CNTNAP5: variants seen among roughly 807,000 people sequenced by gnomAD.
CNTNAP5 encodes the protein contactin associated protein family member 5.
A neutral mutation model predicts 150.2 loss-of-function variants in CNTNAP5; 72 were observed. The observed-to-expected ratio is 0.48, with a 90% CI of 0.40 to 0.58. The LOEUF (loss-of-function observed/expected upper bound fraction) is 0.58. CNTNAP5 is among the 20% of genes least tolerant of loss of function. The pLI is 0.00. For missense variants in CNTNAP5, 1,636 were observed against 1,626.2 expected (o/e 1.01, Z -0.10); for synonymous variants, 672 against 619.8 (o/e 1.08, Z -1.25).
At chr2:124,835,789 A>T (rs541838334) in intron 19 of CNTNAP5, among the ~76,000 whole-genome samples, 1 of 152,188 alleles carries the variant, frequency 6.6e-6, no homozygotes, top group African/African-American at 2.4e-5. Flanking sequence ...CAGAGAGGTT[A>T]GATGACTTGT....
At chr2:124,062,456 C>A (rs931344143) in intron 1 of CNTNAP5, among the ~76,000 whole-genome samples, 1 of 152,142 alleles carries the variant, frequency 6.6e-6, no homozygotes, top group African/African-American at 2.4e-5. Context: ...TGGGCTATAC[C>A]ACTGTGATTC....
intron 13 of CNTNAP5, among the ~76,000 whole-genome samples, chr2:124,730,397 ATTAT>A (rs1418758431): frequency 6.6e-6 from 1 of 151,816 alleles, no homozygotes; most frequent in Non-Finnish European, 1.5e-5. Flanking sequence ...TCATTCAATT[ATTAT>A]TTAAAGAATT....
At chr2:124,739,278 C>T (rs1157224884) in intron 13 of CNTNAP5, among the ~76,000 whole-genome samples, 1 of 152,106 alleles carries the variant, frequency 6.6e-6, no homozygotes, top group African/African-American at 2.4e-5. Context: ...TCTGAATTAA[C>T]GATCTTGACC....
At position 124,040,506 on chromosome 2, in the gene CNTNAP5, T is replaced by C. The variant is rs370891340; in HGVS notation, c.82+14774T>C. On this transcript the variant is annotated intron_variant, in intron 1 of 23. Transcript: ENST00000682447. ...TCGTCGTTTTCAGATAACCTTACAG[T>C]ATGCCATGTGTTTTGTAAATATAAT... Among the ~76,000 whole-genome samples, 50 of 152,198 alleles carry C rather than the reference T, an allele frequency of 3.3e-4. No homozygotes were observed. The South Asian group carries it at 0.01, about 32-fold the overall frequency.
intron 8 of CNTNAP5, among the ~76,000 whole-genome samples, chr2:124,521,522 G>A (rs1427883594): frequency 6.6e-6 from 1 of 152,142 alleles, no homozygotes; most frequent in Non-Finnish European, 1.5e-5. Flanking sequence ...CCATTGAGCA[G>A]ACCTCTCCCC....
rs575887560 is a variant in CNTNAP5, at chr2:124,233,199, C to T, written c.188-9001C>T. Reference sequence around the variant, plus strand: ...TCCTGGAACTGATAAGCCTGCCCAACATCTCAGCCAGCTTTACAACATTCT... The same window carrying T: ...TCCTGGAACTGATAAGCCTGCCCAATATCTCAGCCAGCTTTACAACATTCT... On this transcript the variant is annotated intron_variant, in intron 2 of 23. Coordinates refer to ENST00000682447, the MANE Select transcript of CNTNAP5 (RefSeq NM_001367498.1). 2.0e-4 allele frequency among the ~76,000 whole-genome samples: 31 copies of T among 152,264 alleles called. No individual in the cohort carries two copies. In the South Asian group the frequency reaches 6.2e-3, roughly 31 times the overall value.
chr2:124,350,631 AT>A (rs11378065), intron 3 of CNTNAP5, among the ~76,000 whole-genome samples: 9 of 151,322 alleles, frequency 5.9e-5, no homozygotes, highest in South Asian at 2.1e-4. Context: ...TGACTTGAGG[AT>A]TTTTTTTTAA....
chr2:124,278,381 G>T (rs1687937935), intron 3 of CNTNAP5, among the ~76,000 whole-genome samples: 1 of 152,076 alleles, frequency 6.6e-6, no homozygotes, highest in Non-Finnish European at 1.5e-5. Context: ...AACATAAACA[G>T]ATTTTTGAAA....
At chr2:124,504,234 CT>C in intron 7 of CNTNAP5, 57 bp from the exon 8 acceptor site, 1 of 1,544,636 alleles carries the variant, frequency 6.5e-7, no homozygotes, top group Non-Finnish European at 8.9e-7. Context: ...TTTATATCAG[CT>C]GTCAGATTGC....
chr2:124,061,922 C>G (rs1485076450), intron 1 of CNTNAP5, among the ~76,000 whole-genome samples: 5 of 152,140 alleles, frequency 3.3e-5, no homozygotes, highest in Admixed American at 3.3e-4. Context: ...ATCCTACTAT[C>G]CAATGAGCAG....
chr2:124,606,235 G>A (rs1184988595), intron 11 of CNTNAP5, among the ~76,000 whole-genome samples: 2 of 152,116 alleles, frequency 1.3e-5, no homozygotes, highest in African/African-American at 2.4e-5. Flanking sequence ...AATCATTGAT[G>A]TAGCTAAAAT....
intron 4 of CNTNAP5, among the ~76,000 whole-genome samples, chr2:124,424,734 C>G (rs1692198962): frequency 6.6e-6 from 1 of 152,292 alleles, no homozygotes; most frequent in East Asian, 1.9e-4. Flanking sequence ...AGTAGGCTCC[C>G]TCTGCTAGGC....
Position 124,444,599 on chromosome 2 carries a change from AAAACAAAC to A in CNTNAP5, c.734-2139_734-2132del, listed in dbSNP as rs954030019. On this transcript the variant is annotated intron_variant, in intron 5 of 23. Transcript: ENST00000682447. Reference sequence around the variant, plus strand: ...GGGTGACACAGGTAGACTGCATCTCAAAACAAACAAACAAACAAACAAGCAAAAAAATA... The same window carrying A: ...GGGTGACACAGGTAGACTGCATCTCAAAACAAACAAACAAGCAAAAAAATA... Among the ~76,000 whole-genome samples, 6 of 152,164 alleles carry A rather than the reference AAAACAAAC, an allele frequency of 3.9e-5. No homozygotes were observed. The South Asian group carries it at 8.3e-4, about 21-fold the overall frequency.
intron 11 of CNTNAP5, among the ~76,000 whole-genome samples, chr2:124,584,891 C>T (rs879771865): frequency 9.9e-5 from 15 of 152,114 alleles, no homozygotes; most frequent in Admixed American, 3.3e-4. Flanking sequence ...AAGCATGGAG[C>T]GTAGAGTCAA....
chr2:124,658,707 T>A (rs1219377403), intron 13 of CNTNAP5, among the ~76,000 whole-genome samples: 2 of 152,234 alleles, frequency 1.3e-5, no homozygotes, highest in African/African-American at 4.8e-5. Flanking sequence ...AATTTATTAC[T>A]GTAGCATATG....
chr2:124,869,566 G>C, intron 20 of CNTNAP5, 109 bp from the exon 21 acceptor site: 1 of 665,386 alleles, frequency 1.5e-6, no homozygotes, highest in Non-Finnish European at 2.7e-6. Flanking sequence ...TCTCAGAGGG[G>C]GGTCTGCTAT....
intron 11 of CNTNAP5, among the ~76,000 whole-genome samples, chr2:124,580,954 T>C (rs1453625897): frequency 6.6e-6 from 1 of 152,190 alleles, no homozygotes; most frequent in Non-Finnish European, 1.5e-5. Flanking sequence ...ATTTGCATAA[T>C]GTGTGGAGCA....
chr2:124,459,542 A>T (rs1181597033), intron 6 of CNTNAP5, among the ~76,000 whole-genome samples: 1 of 152,102 alleles, frequency 6.6e-6, no homozygotes, highest in African/African-American at 2.4e-5. Context: ...TGAGGTCAGG[A>T]GTTCGAGACC....
At chr2:124,042,246 T>C (rs1681394781) in intron 1 of CNTNAP5, among the ~76,000 whole-genome samples, 1 of 152,204 alleles carries the variant, frequency 6.6e-6, no homozygotes, top group Admixed American at 6.5e-5. Flanking sequence ...TGATGACATA[T>C]ACTTTCATCC....
Sources: gnomAD v4.1 joint callset for allele counts (sites outside exome capture counted in the v4.1 genomes callset) on GRCh38, gnomAD v4.1.1 for gene constraint, MANE v1.5 for transcripts, NCBI Gene and HGNC (gene_info 2026-07-23, HGNC 2026-07-21) for gene names.